Variants in SYT1 observed in about 807,000 individuals in gnomAD.
SYT1 encodes the protein synaptotagmin 1.
Under a neutral mutation model 44.8 loss-of-function variants are expected in SYT1, and 8 were observed. The ratio of observed to expected loss-of-function variants is 0.18; its 90% CI spans 0.10 to 0.32. The LOEUF (loss-of-function observed/expected upper bound fraction) is 0.32, where lower values mean the gene tolerates loss of function less well. SYT1 is among the 10% of genes least tolerant of loss of function. The pLI, the probability that SYT1 is intolerant of heterozygous loss-of-function variation, is 1.00. For synonymous variants in SYT1, 154 were observed against 188.8 expected (o/e 0.82, Z 1.51); for missense variants, 286 against 509.3 (o/e 0.56, Z 4.22).
intron 1 of SYT1, among the ~76,000 whole-genome samples, chr12:78,948,406 C>T (rs1235741881): frequency 6.6e-6 from 1 of 151,862 alleles, no homozygotes; most frequent in Non-Finnish European, 1.5e-5. Context: ...TAATGATGCT[C>T]ACACTATTTA....
intron 9 of SYT1, among the ~76,000 whole-genome samples, chr12:79,435,867 G>A (rs934678642): frequency 6.6e-6 from 1 of 152,098 alleles, no homozygotes; most frequent in East Asian, 1.9e-4. Flanking sequence ...TCCTAGTAAT[G>A]ACAATCAAAA....
intron 1 of SYT1, among the ~76,000 whole-genome samples, chr12:78,941,552 T>C (rs1878377718): frequency 6.6e-6 from 1 of 152,218 alleles, no homozygotes. Flanking sequence ...GAGCTTTTAA[T>C]CAATAGTAAC....
chr12:79,105,385 C>CAT (rs955312789), intron 3 of SYT1, among the ~76,000 whole-genome samples: 2 of 152,016 alleles, frequency 1.3e-5, no homozygotes, highest in African/African-American at 4.8e-5. Flanking sequence ...TTAATTGTTA[C>CAT]ATATAAGGAA....
chr12:79,065,043 C>T (rs1034333385), intron 3 of SYT1, among the ~76,000 whole-genome samples: 10 of 151,946 alleles, frequency 6.6e-5, no homozygotes, highest in African/African-American at 1.9e-4. Flanking sequence ...AGGGTTTGCA[C>T]GCTGCCACTC....
In SYT1 at chr12:78,983,760, G is replaced by T. The variant is rs559933363; in HGVS notation, c.-84+5829G>T. Among the ~76,000 whole-genome samples the T allele has an allele frequency of 7.9e-5, 12 of 152,086 alleles. No individual in the cohort carries two copies. The South Asian group carries it at 2.5e-3, about 32-fold the overall frequency. Reference sequence around the variant, plus strand: ...AATCTTAAGGGAACATAAAAATTTCGTGTTTGAAGTTACTGCTAAGAAGAA... The same window carrying T: ...AATCTTAAGGGAACATAAAAATTTCTTGTTTGAAGTTACTGCTAAGAAGAA... On this transcript the variant is annotated intron_variant, in intron 2 of 10. Transcript: ENST00000261205.
intron 3 of SYT1, among the ~76,000 whole-genome samples, chr12:79,067,333 C>T (rs1361155277): frequency 6.6e-6 from 1 of 151,806 alleles, no homozygotes; most frequent in Non-Finnish European, 1.5e-5. Context: ...TTAAGTTCTG[C>T]TCTCTATATT....
Position 79,215,918 on chromosome 12 carries a change from CTTTTTTTTTTTTTT to C in SYT1, c.-17-1568_-17-1555del, listed in dbSNP as rs71091653. Among the ~76,000 whole-genome samples the C allele has an allele frequency of 3.8e-3, 293 of 76,812 alleles. 2 individuals carry two copies. Among genetic ancestry groups the C allele is most frequent in the African/African-American group, 0.014 (258 of 18,254 alleles). The allele number at this position is 76,812 out of a possible 152,430, so 50.4% of individuals were successfully genotyped here. A position where few individuals can be genotyped will look rare whatever the true frequency, so the allele number is the denominator to read the frequency against. ...ACTCACAAATCGTTTGCATTTCTTT[CTTTTTTTTTTTTTT>C]TTTTTTTTTTTTTTTTGAGACAGAG... On this transcript the variant is annotated intron_variant, in intron 3 of 10. Coordinates refer to ENST00000261205, the MANE Select transcript of SYT1 (RefSeq NM_005639.3).
At chr12:79,129,211 A>C (rs1186633678) in intron 3 of SYT1, among the ~76,000 whole-genome samples, 1 of 152,140 alleles carries the variant, frequency 6.6e-6, no homozygotes, top group Non-Finnish European at 1.5e-5. Context: ...TTTTTGTTTT[A>C]TTATGCTTTT....
intron 2 of SYT1, among the ~76,000 whole-genome samples, chr12:79,033,719 A>T (rs1315241242): frequency 6.6e-6 from 1 of 151,418 alleles, no homozygotes. Flanking sequence ...AACCAAAGTA[A>T]ATTTTTAAAA....
At chr12:79,204,870 G>A (rs1210231358) in intron 3 of SYT1, among the ~76,000 whole-genome samples, 7 of 121,306 alleles carry the variant, frequency 5.8e-5, no homozygotes, top group South Asian at 2.9e-4. Context: ...TGCAAGCTCC[G>A]CCTCAGTTCC....
At chr12:79,392,303 C>G (rs1397824355) in intron 9 of SYT1, 4 of 152,140 alleles carry the variant, frequency 2.6e-5, no homozygotes, top group African/African-American at 9.6e-5. Flanking sequence ...ATCACATCAA[C>G]TCTTTGCTAT....
At chr12:79,102,062 C>G (rs371364293) in intron 3 of SYT1, among the ~76,000 whole-genome samples, 7 of 152,180 alleles carry the variant, frequency 4.6e-5, no homozygotes, top group African/African-American at 1.7e-4. Context: ...TAATAGACAT[C>G]TTTTTTAGAA....
At chr12:79,316,325 ATATTTCACTCC>A (rs1236735347) in intron 8 of SYT1, among the ~76,000 whole-genome samples, 8 of 152,164 alleles carry the variant, frequency 5.3e-5, no homozygotes, top group African/African-American at 1.4e-4. Context: ...TCATACAGTA[ATATTTCACTCC>A]TTTTTATTGC....
chr12:79,273,201 C>A (rs542130030), intron 4 of SYT1, among the ~76,000 whole-genome samples: 130 of 151,442 alleles, frequency 8.6e-4, no homozygotes, highest in African/African-American at 2.9e-3. Context: ...ATGGCAGGCT[C>A]AAACTCCTGG....
intron 3 of SYT1, among the ~76,000 whole-genome samples, chr12:79,125,336 C>A (rs976153383): frequency 6.6e-6 from 1 of 151,542 alleles, no homozygotes; most frequent in Non-Finnish European, 1.5e-5. Context: ...AGAGGCTGGG[C>A]GCAGTAGCAC....
chr12:78,971,400 G>C (rs944674044), intron 1 of SYT1, among the ~76,000 whole-genome samples: 2 of 152,080 alleles, frequency 1.3e-5, no homozygotes, highest in East Asian at 1.9e-4. Flanking sequence ...AACAAAAACA[G>C]GTTGTTAAAA....
At chr12:79,396,368 T>C (rs1884871219) in intron 9 of SYT1, among the ~76,000 whole-genome samples, 1 of 152,204 alleles carries the variant, frequency 6.6e-6, no homozygotes, top group Non-Finnish European at 1.5e-5. Context: ...GTATAAGTAT[T>C]AAATTAAATA....
At chr12:79,013,518 T>C (rs1871560294) in intron 2 of SYT1, among the ~76,000 whole-genome samples, 1 of 152,174 alleles carries the variant, frequency 6.6e-6, no homozygotes, top group East Asian at 1.9e-4. Context: ...GGAGCACCCA[T>C]TTGTATAAGC....
At chr12:79,364,771 G>A (rs574885431) in intron 9 of SYT1, among the ~76,000 whole-genome samples, 62 of 152,172 alleles carry the variant, frequency 4.1e-4, no homozygotes, top group Non-Finnish European at 7.2e-4. Context: ...AAAGTGTCCC[G>A]TTAACAAACA....
Sources: gnomAD v4.1 joint callset for allele counts (sites outside exome capture counted in the v4.1 genomes callset) on GRCh38, gnomAD v4.1.1 for gene constraint, MANE v1.5 for transcripts, NCBI Gene and HGNC (gene_info 2026-07-23, HGNC 2026-07-21) for gene names.